The following IL1RAPL1 variants were observed in gnomAD, a reference collection of about 807,000 sequenced individuals.
IL1RAPL1 encodes interleukin 1 receptor accessory protein like 1.
IL1RAPL1 carries 3 observed loss-of-function variants against 48.4 expected under a neutral mutation model. The observed-to-expected ratio is 0.06, with a 90% confidence interval of 0.03 to 0.16. IL1RAPL1 has a LOEUF of 0.16. IL1RAPL1 is among the 10% of genes least tolerant of loss of function. The pLI is 1.00. For synonymous variants in IL1RAPL1, 185 were observed against 187.7 expected (o/e 0.99, Z 0.12); for missense variants, 349 against 530.6 (o/e 0.66, Z 3.36).
At chrX:29,467,531 C>T (rs760186255) in intron 5 of IL1RAPL1, among the ~76,000 whole-genome samples, 25 of 112,537 alleles carry the variant, frequency 2.2e-4, no homozygotes, top group African/African-American at 7.7e-4. Flanking sequence ...CACAGGTGAG[C>T]GGATGTGGGA....
At chrX:29,018,472 G>T (rs1355493948) in intron 2 of IL1RAPL1, among the ~76,000 whole-genome samples, 2 of 111,788 alleles carry the variant, frequency 1.8e-5, no homozygotes, top group African/African-American at 3.3e-5. Context: ...CTAGCCTAGG[G>T]TGTCAGAAAG....
intron 5 of IL1RAPL1, among the ~76,000 whole-genome samples, chrX:29,425,065 G>A (rs2147707495): frequency 9.0e-6 from 1 of 111,643 alleles, no homozygotes; most frequent in African/African-American, 3.2e-5. Flanking sequence ...AACTTATGAA[G>A]CCACTGTAAG....
intron 6 of IL1RAPL1, among the ~76,000 whole-genome samples, chrX:29,719,676 G>A (rs755660600): frequency 9.5e-5 from 10 of 104,740 alleles, no homozygotes; most frequent in Non-Finnish European, 1.9e-4. Flanking sequence ...ATAGGGTAAG[G>A]GTTGTTCTCT....
At chrX:28,873,093 GTTTTTTTTTTCACTTTTTT>G (rs1282957190) in intron 2 of IL1RAPL1, among the ~76,000 whole-genome samples, 2 of 87,276 alleles carry the variant, frequency 2.3e-5, no homozygotes, top group African/African-American at 8.7e-5. Context: ...CTGAGCCTAA[GTTTTTTTTTTCACTTTTTT>G]TTTTTTTTTT....
At chrX:28,953,248 C>T (rs1281580171) in intron 2 of IL1RAPL1, among the ~76,000 whole-genome samples, 1 of 111,323 alleles carries the variant, frequency 9.0e-6, no homozygotes, top group Non-Finnish European at 1.9e-5. Flanking sequence ...AAAAACGCTA[C>T]ATAATTTATA....
chrX:29,017,694 G>T (rs1421382987), intron 2 of IL1RAPL1, among the ~76,000 whole-genome samples: 5 of 111,354 alleles, frequency 4.5e-5, no homozygotes, highest in Non-Finnish European at 9.4e-5. Flanking sequence ...TATGTGGTAA[G>T]GACAACCACC....
rs752819700 is a variant in IL1RAPL1 at position 29,590,740 on chromosome X, A to G, written c.704-77690A>G. Reference sequence around the variant, plus strand: ...AGCCCAAGGAAGCCTGGCTCCTTATAGAAGTCACAGTGATCATTGGAGTTG... The same window carrying G: ...AGCCCAAGGAAGCCTGGCTCCTTATGGAAGTCACAGTGATCATTGGAGTTG... On this transcript the variant is annotated intron_variant, in intron 5 of 10. Coordinates refer to ENST00000378993, the MANE Select transcript of IL1RAPL1 (RefSeq NM_014271.4). 3.6e-5 allele frequency among the ~76,000 whole-genome samples: 4 copies of G among 111,787 alleles called. No homozygotes were observed. The South Asian group carries it at 1.1e-3, about 31-fold the overall frequency.
At chrX:28,843,323 T>C (rs1413600054) in intron 2 of IL1RAPL1, among the ~76,000 whole-genome samples, 1 of 110,886 alleles carries the variant, frequency 9.0e-6, no homozygotes, top group Non-Finnish European at 1.9e-5. Context: ...AGGGCTTGGC[T>C]TAATTTCTAT....
At chrX:29,166,636 T>A (rs1309744610) in intron 2 of IL1RAPL1, among the ~76,000 whole-genome samples, 1 of 112,253 alleles carries the variant, frequency 8.9e-6, no homozygotes, top group Non-Finnish European at 1.9e-5. Flanking sequence ...CTCTCTGACT[T>A]AAAACCATTT....
At chrX:29,691,475 TAAAC>T (rs915139109) in intron 6 of IL1RAPL1, among the ~76,000 whole-genome samples, 4 of 111,380 alleles carry the variant, frequency 3.6e-5, no homozygotes, top group Non-Finnish European at 5.6e-5. Context: ...TTGAATTATT[TAAAC>T]AAACAAACAA....
chrX:29,383,501 G>T (rs188426725), intron 3 of IL1RAPL1, among the ~76,000 whole-genome samples: 1 of 111,731 alleles, frequency 9.0e-6, no homozygotes, highest in Non-Finnish European at 1.9e-5. Context: ...TTTCTGCATT[G>T]TCTCTGTTGA....
intron 8 of IL1RAPL1, among the ~76,000 whole-genome samples, chrX:29,926,759 C>T (rs1669150670): frequency 9.0e-6 from 1 of 111,390 alleles, no homozygotes; most frequent in Admixed American, 9.6e-5. Context: ...TCAATACAAC[C>T]TTCCTCAGTT....
At chrX:28,837,940 C>T (rs753306940) in intron 2 of IL1RAPL1, among the ~76,000 whole-genome samples, 6 of 109,536 alleles carry the variant, frequency 5.5e-5, no homozygotes, top group Non-Finnish European at 1.1e-4. Flanking sequence ...AATGTTCTCC[C>T]CATACTGTGA....
At chrX:29,805,194 G>A (rs1185762749) in intron 6 of IL1RAPL1, among the ~76,000 whole-genome samples, 1 of 111,322 alleles carries the variant, frequency 9.0e-6, no homozygotes, top group African/African-American at 3.3e-5. Context: ...TGAAGGATTT[G>A]GGAGCATGTT....
intron 6 of IL1RAPL1, among the ~76,000 whole-genome samples, chrX:29,700,835 T>C (rs1172261124): frequency 1.8e-5 from 2 of 112,220 alleles, no homozygotes; most frequent in African/African-American, 6.5e-5. Flanking sequence ...CCAAATAAAT[T>C]TGTAGACTCA....
Position 29,310,774 on chromosome X carries a change from A to G in IL1RAPL1, c.362+27557A>G, listed in dbSNP as rs767223479. On this transcript the variant is annotated intron_variant, in intron 3 of 10. Coordinates refer to ENST00000378993, the MANE Select transcript of IL1RAPL1 (RefSeq NM_014271.4). The stretch of plus-strand genomic sequence containing the variant: ...TTTGTAAATTCAAAAGTTAAATTGA[A>G]TTTTGATTCAGACATAAAATGAAAC... Among the ~76,000 whole-genome samples, 21 of 112,421 alleles carry G rather than the reference A, an allele frequency of 1.9e-4. No individual in the cohort carries two copies. In the South Asian group the frequency reaches 5.5e-3, roughly 29 times the overall value.
At chrX:29,025,317 A>T (rs1021600883) in intron 2 of IL1RAPL1, among the ~76,000 whole-genome samples, 1 of 111,730 alleles carries the variant, frequency 9.0e-6, no homozygotes, top group Admixed American at 9.5e-5. Context: ...TGTAACTAGG[A>T]GTGAAATTGT....
In IL1RAPL1 at chrX:29,465,081, T is replaced by C. The variant is rs766206050; in HGVS notation, c.703+65773T>C. 3.6e-5 allele frequency among the ~76,000 whole-genome samples: 4 copies of C among 111,942 alleles called. No individual in the cohort carries two copies. The South Asian group carries it at 1.1e-3, about 32-fold the overall frequency. On this transcript the variant is annotated intron_variant, in intron 5 of 10. Transcript: ENST00000378993. ...GTACCCCTTATCCTAAAATAAAAGTTGAATTCAATTTAATTTAATGCAAAA... is the reference window on the plus strand; with the variant it reads ...GTACCCCTTATCCTAAAATAAAAGTCGAATTCAATTTAATTTAATGCAAAA...
At chrX:29,803,062 T>G (rs1170215585) in intron 6 of IL1RAPL1, among the ~76,000 whole-genome samples, 1 of 77,778 alleles carries the variant, frequency 1.3e-5, no homozygotes, top group African/African-American at 5.0e-5. Context: ...TACATATATA[T>G]GTATGCATGT....
Sources: allele counts gnomAD v4.1 joint callset (sites outside exome capture counted in the v4.1 genomes callset), GRCh38; gene constraint gnomAD v4.1.1; transcripts MANE v1.5; gene names NCBI Gene and HGNC (gene_info 2026-07-23, HGNC 2026-07-21).